Variants in OPN5 observed in about 807,000 individuals in gnomAD.
The protein encoded by OPN5 is opsin-5.
Under a neutral mutation model 41.7 loss-of-function variants are expected in OPN5, and 18 were observed. That is an observed-to-expected ratio of 0.43 (90% CI 0.30 to 0.64). OPN5 has a LOEUF of 0.64. Ranked by LOEUF, OPN5 falls within the 30% of genes least tolerant of loss-of-function variation. The pLI is 0.13. For missense variants in OPN5, 318 were observed against 434.5 expected (o/e 0.73, Z 2.38); for synonymous variants, 178 against 164.3 (o/e 1.08, Z -0.64).
At chr6:47,812,314 A>G (rs912304952) in intron 6 of OPN5, among the ~76,000 whole-genome samples, 1 of 152,182 alleles carries the variant, frequency 6.6e-6, no homozygotes, top group Non-Finnish European at 1.5e-5. Flanking sequence ...ATTTGAAGAC[A>G]ACAGTAATTT....
At chr6:47,795,664 C>T (rs759041285) in intron 4 of OPN5, 101 bp downstream of exon 4, 39 of 769,250 alleles carry the variant, frequency 5.1e-5, no homozygotes, top group Non-Finnish European at 8.1e-5. Context: ...CTTAGAATCT[C>T]TATTCTTTAC....
At chr6:47,792,025 G>T in intron 3 of OPN5, 53 bp downstream of exon 3, 1 of 1,281,008 alleles carries the variant, frequency 7.8e-7, no homozygotes, top group East Asian at 2.3e-5. Context: ...TGGATTGAGT[G>T]TTAGAACTGT....
At chr6:47,821,312 T>C (rs1235237623) in intron 6 of OPN5, among the ~76,000 whole-genome samples, 2 of 152,242 alleles carry the variant, frequency 1.3e-5, no homozygotes, top group Non-Finnish European at 2.9e-5. Flanking sequence ...TGATAGAGAC[T>C]GCACAGGGAG....
At chr6:47,814,814 C>A (rs2114000828) in intron 6 of OPN5, among the ~76,000 whole-genome samples, 1 of 152,192 alleles carries the variant, frequency 6.6e-6, no homozygotes, top group Non-Finnish European at 1.5e-5. Context: ...AGAAAGACTG[C>A]AAAATCTTTG....
intron 1 of OPN5, among the ~76,000 whole-genome samples, chr6:47,784,023 A>G (rs763560596): frequency 6.6e-6 from 1 of 152,166 alleles, no homozygotes; most frequent in Non-Finnish European, 1.5e-5. Context: ...CCCACCTGAT[A>G]CACATGGAGT....
chr6:47,823,554 C>CA (rs145850811), intron 6 of OPN5: 3,077 of 186,770 alleles, frequency 0.016, 75 homozygotes, highest in African/African-American at 0.055. Context: ...TCTCTTCTGG[C>CA]AAAAAAAAAG....
chr6:47,822,915 A>G (rs746015038), intron 6 of OPN5, among the ~76,000 whole-genome samples: 20 of 152,196 alleles, frequency 1.3e-4, no homozygotes, highest in Non-Finnish European at 1.5e-4. Context: ...AGATAATCCA[A>G]AAGTGGGATA....
intron 2 of OPN5, among the ~76,000 whole-genome samples, chr6:47,789,407 T>G (rs966286286): frequency 1.7e-5 from 2 of 117,542 alleles, no homozygotes; most frequent in South Asian, 2.3e-4. Context: ...AATTTAGGTG[T>G]TTTTTTTTTT....
At chr6:47,797,231 C>T (rs1561894733) in intron 4 of OPN5, among the ~76,000 whole-genome samples, 1 of 152,166 alleles carries the variant, frequency 6.6e-6, no homozygotes, top group Non-Finnish European at 1.5e-5. Context: ...TCAAACTCTA[C>T]ATGCCAAGTA....
At chr6:47,814,192 G>T (rs1479680937) in intron 6 of OPN5, among the ~76,000 whole-genome samples, 1 of 151,836 alleles carries the variant, frequency 6.6e-6, no homozygotes, top group Non-Finnish European at 1.5e-5. Flanking sequence ...TCTTTTGTGT[G>T]GGGGGATGAT....
exon 4 of OPN5, chr6:47,795,350 C>A (rs777593613): frequency 1.9e-6 from 3 of 1,614,052 alleles, no homozygotes; most frequent in South Asian, 1.1e-5. Flanking sequence ...CCTTCGGAAC[C>A]TCGTGCACCC....
intron 2 of OPN5, among the ~76,000 whole-genome samples, chr6:47,787,517 T>C (rs938834878): frequency 1.3e-5 from 2 of 152,206 alleles, no homozygotes; most frequent in Admixed American, 1.3e-4. Context: ...TTTTAGGTCA[T>C]TAGAGTAGGG....
At chr6:47,825,288 G>A (rs1433200264), downstream of OPN5, 2 of 152,148 alleles carry the variant, frequency 1.3e-5, no homozygotes, top group Non-Finnish European at 2.9e-5. Context: ...ACCTTTAATT[G>A]GGCATAATAA....
intron 4 of OPN5, among the ~76,000 whole-genome samples, chr6:47,803,825 C>A (rs1307336496): frequency 6.6e-6 from 1 of 152,200 alleles, no homozygotes; most frequent in East Asian, 1.9e-4. Context: ...CCCACTCACA[C>A]TGCTCAGTCG....
At chr6:47,791,910 G>A in exon 3 of OPN5, 1 of 1,613,986 alleles carries the variant, frequency 6.2e-7, no homozygotes, top group Non-Finnish European at 8.5e-7. Flanking sequence ...GGCTGTGGAA[G>A]CCTTATCACC....
chr6:47,817,452 T>C (rs1188642554), intron 6 of OPN5, among the ~76,000 whole-genome samples: 1 of 152,126 alleles, frequency 6.6e-6, no homozygotes, highest in East Asian at 1.9e-4. Context: ...TGGAGGCTTG[T>C]CTAGGAGTTT....
chr6:47,819,688 A>G (rs1232656941), intron 6 of OPN5, among the ~76,000 whole-genome samples: 1 of 152,048 alleles, frequency 6.6e-6, no homozygotes, highest in Non-Finnish European at 1.5e-5. Flanking sequence ...AGGGGAAGCG[A>G]TATTCCAGAA....
In OPN5 at chr6:47,789,842, A is replaced by AG. The variant is rs573078484; in HGVS notation, c.251-1957dup. Among the ~76,000 whole-genome samples the AG allele has an allele frequency of 5.8e-4, 88 of 152,084 alleles. 3 individuals are homozygous for AG. In the South Asian group the frequency reaches 0.018, roughly 32 times the overall value. ...TTAGCTTTCCTAAAACATTAAGGTT[A>AG]GGGAACCTTCTTTTGTGATATAGAT... On this transcript the variant is annotated intron_variant, in intron 2 of 6. Transcript: ENST00000371211.
At chr6:47,818,142 G>T (rs111860748) in intron 6 of OPN5, among the ~76,000 whole-genome samples, 3 of 152,048 alleles carry the variant, frequency 2.0e-5, no homozygotes, top group East Asian at 3.9e-4. Context: ...TCCAATAGCC[G>T]CCCGATCCAC....
Sources: allele counts gnomAD v4.1 joint callset (sites outside exome capture counted in the v4.1 genomes callset), GRCh38; gene constraint gnomAD v4.1.1; transcripts MANE v1.5; gene names NCBI Gene and HGNC (gene_info 2026-07-23, HGNC 2026-07-21).